MYO1E: variants seen among roughly 807,000 people sequenced by gnomAD.
The protein encoded by MYO1E is myosin IE.
A neutral mutation model predicts 151.1 loss-of-function variants in MYO1E; 68 were observed. The observed-to-expected ratio is 0.45, with a 90% confidence interval of 0.37 to 0.55. The LOEUF (loss-of-function observed/expected upper bound fraction) is 0.55. Among genes scored for constraint, MYO1E ranks in the 20% least tolerant of loss-of-function variants. MYO1E has a pLI of 0.00. For missense variants in MYO1E, 1,363 were observed against 1,389.3 expected, an observed-to-expected ratio of 0.98 and a Z score of 0.30; for synonymous variants, 601 against 501.7, an observed-to-expected ratio of 1.20 and a Z score of -2.64.
intron 4 of MYO1E, among the ~76,000 whole-genome samples, chr15:59,255,348 G>A (rs2080188046): frequency 1.3e-5 from 2 of 152,022 alleles, no homozygotes; most frequent in Non-Finnish European, 1.5e-5. Flanking sequence ...AAACTCTGCG[G>A]CTTACAGGTG....
At chr15:59,253,631 G>A (rs1173079386) in intron 4 of MYO1E, among the ~76,000 whole-genome samples, 3 of 151,858 alleles carry the variant, frequency 2.0e-5, no homozygotes, top group East Asian at 1.9e-4. Flanking sequence ...ACAGGCATGC[G>A]CCGCCATGCC....
intron 2 of MYO1E, among the ~76,000 whole-genome samples, chr15:59,270,644 CT>C (rs112461375): frequency 3.3e-4 from 48 of 145,350 alleles, no homozygotes; most frequent in Admixed American, 4.1e-4. Context: ...AATAAATTCA[CT>C]TTTTTTTTTT....
intron 17 of MYO1E, among the ~76,000 whole-genome samples, chr15:59,189,884 A>G (rs2079722694): frequency 6.6e-6 from 1 of 152,210 alleles, no homozygotes; most frequent in Non-Finnish European, 1.5e-5. Context: ...GAAAAAATGG[A>G]TGTAAAGAAC....
At position 59,231,688 on chromosome 15, in the gene MYO1E, G is replaced by C. The variant is rs778451066; in HGVS notation, c.510+14C>G. The C allele has an allele frequency of 1.2e-6, 2 of 1,612,606 alleles. No homozygotes were observed. The highest frequency in any genetic ancestry group is 4.5e-5 in the East Asian group (2 of 44,870). ...CAATCAAGCGACACTCTCTGAAACA[G>C]GGAAGGGACTTACAAATCGGCTGGA... On this transcript the variant is annotated intron_variant, in intron 6 of 27. Transcript: ENST00000288235.
intron 4 of MYO1E, among the ~76,000 whole-genome samples, chr15:59,237,887 T>A (rs1437368921): frequency 6.6e-6 from 1 of 152,146 alleles, no homozygotes; most frequent in East Asian, 1.9e-4. Context: ...ATAGCGAAAC[T>A]CAGAACTTTG....
intron 1 of MYO1E, among the ~76,000 whole-genome samples, chr15:59,340,295 C>A (rs185709702): frequency 6.6e-6 from 1 of 152,018 alleles, no homozygotes; most frequent in African/African-American, 2.4e-5. Context: ...GGATGACAAG[C>A]GACACCTTGT....
At chr15:59,285,155 G>A (rs1328753729) in intron 1 of MYO1E, among the ~76,000 whole-genome samples, 1 of 152,072 alleles carries the variant, frequency 6.6e-6, no homozygotes, top group African/African-American at 2.4e-5. Context: ...AACAGACTTG[G>A]GTACAAGCTC....
chr15:59,207,604 T>C, intron 14 of MYO1E: 5 of 1,614,182 alleles, frequency 3.1e-6, no homozygotes, highest in Non-Finnish European at 4.2e-6. Context: ...TTTTCGTTTC[T>C]TGATTGGACA....
intron 12 of MYO1E, among the ~76,000 whole-genome samples, chr15:59,211,696 T>C (rs1483014244): frequency 6.6e-6 from 1 of 152,138 alleles, no homozygotes; most frequent in Non-Finnish European, 1.5e-5. Context: ...CAGTAAACAG[T>C]GTCACCATCG....
intron 2 of MYO1E, among the ~76,000 whole-genome samples, chr15:59,266,191 C>T (rs1227449115): frequency 9.2e-5 from 14 of 152,156 alleles, no homozygotes; most frequent in African/African-American, 3.4e-4. Context: ...TTGGGAACTC[C>T]AGGTAATTCC....
At chr15:59,178,040 C>G (rs370847971) in intron 19 of MYO1E, among the ~76,000 whole-genome samples, 1 of 152,246 alleles carries the variant, frequency 6.6e-6, no homozygotes, top group Non-Finnish European at 1.5e-5. Flanking sequence ...TGAGCATTTT[C>G]TGTGTGAGGC....
chr15:59,296,921 GCTCCGCCT>G (rs1219066983), intron 1 of MYO1E, among the ~76,000 whole-genome samples: 3 of 139,120 alleles, frequency 2.2e-5, no homozygotes, highest in Non-Finnish European at 4.6e-5. Flanking sequence ...CTCACTGCAA[GCTCCGCCT>G]CCCGGGTTCA....
chr15:59,359,322 ATATATT>A (rs2140439746), intron 1 of MYO1E, among the ~76,000 whole-genome samples: 1 of 139,286 alleles, frequency 7.2e-6, no homozygotes, highest in South Asian at 2.2e-4. Flanking sequence ...TAATATATAT[ATATATT>A]TTTTTTTTTA....
At chr15:59,312,104 C>T (rs1458199120) in intron 1 of MYO1E, among the ~76,000 whole-genome samples, 1 of 152,202 alleles carries the variant, frequency 6.6e-6, no homozygotes, top group Non-Finnish European at 1.5e-5. Flanking sequence ...TCACTTTGAA[C>T]TTTCATCACA....
intron 16 of MYO1E, among the ~76,000 whole-genome samples, chr15:59,198,302 A>G (rs1192199367): frequency 3.9e-5 from 6 of 152,212 alleles, no homozygotes; most frequent in African/African-American, 1.4e-4. Flanking sequence ...AGGTGTTAAA[A>G]TACGCAGACA....
chr15:59,234,822 C>CA (rs3053017), intron 5 of MYO1E, among the ~76,000 whole-genome samples: 4,566 of 102,000 alleles, frequency 0.045, 363 homozygotes, highest in African/African-American at 0.17. Flanking sequence ...GACCCCATCT[C>CA]AAAAAAAAAA....
chr15:59,160,077 C>A (rs1358265430), intron 24 of MYO1E, among the ~76,000 whole-genome samples: 1 of 152,126 alleles, frequency 6.6e-6, no homozygotes, highest in Non-Finnish European at 1.5e-5. Flanking sequence ...CTCAGGTAGT[C>A]CGCCTGCCTC....
chr15:59,297,888 G>T (rs146005723), intron 1 of MYO1E, among the ~76,000 whole-genome samples: 1 of 152,166 alleles, frequency 6.6e-6, no homozygotes, highest in Non-Finnish European at 1.5e-5. Context: ...CTTTTATGAT[G>T]GTGACATTTT....
At chr15:59,180,306 G>A (rs771256857) in intron 18 of MYO1E, among the ~76,000 whole-genome samples, 1 of 152,170 alleles carries the variant, frequency 6.6e-6, no homozygotes, top group Non-Finnish European at 1.5e-5. Flanking sequence ...TGTGATTGGG[G>A]GAGTTAGTGA....
Sources: gnomAD v4.1 joint callset for allele counts (sites outside exome capture counted in the v4.1 genomes callset) on GRCh38, gnomAD v4.1.1 for gene constraint, MANE v1.5 for transcripts, NCBI Gene and HGNC (gene_info 2026-07-23, HGNC 2026-07-21) for gene names.